Variants in UNC13D observed in about 807,000 individuals in gnomAD.
The protein encoded by UNC13D is unc-13 homolog D.
UNC13D carries 115 observed loss-of-function variants against 151.7 expected under a neutral mutation model. The ratio of observed to expected loss-of-function variants is 0.76; its 90% CI spans 0.65 to 0.88. The LOEUF is 0.88. Ranked by LOEUF, UNC13D falls within the 40% of genes least tolerant of loss-of-function variation. The pLI is 0.00. For missense variants in UNC13D, 1,369 were observed against 1,438.7 expected (o/e 0.95, Z 0.78); for synonymous variants, 588 against 612.2 (o/e 0.96, Z 0.58).
chr17:75,834,770 G>A, intron 21 of UNC13D, 54 bp from the exon 22 acceptor site: 2 of 1,608,686 alleles, frequency 1.2e-6, no homozygotes, highest in Non-Finnish European at 8.5e-7. Context: ...ATCCAGGAAG[G>A]GCAGGTGGGA....
Position 75,829,582 on chromosome 17 carries a change from C to T in UNC13D, c.2954+446G>A, listed in dbSNP as rs59438625. 4.4e-3 allele frequency: 829 copies of T among 187,414 alleles called. 7 individuals carry two copies. Among genetic ancestry groups the T allele is most frequent in the East Asian group, 0.02 (136 of 6,820 alleles). The allele number at this position is 187,414 out of a possible 1,614,324, so 11.6% of individuals were successfully genotyped here. A position where few individuals can be genotyped will look rare whatever the true frequency, so the allele number is the denominator to read the frequency against. On this transcript the variant is annotated intron_variant, in intron 30 of 31. Transcript: ENST00000207549. Reference sequence around the variant, plus strand: ...TGCTGAGATTACAGGCATGAGCCACCACGCCTGGCCCTCTTTTTTTTTTTT... The same window carrying T: ...TGCTGAGATTACAGGCATGAGCCACTACGCCTGGCCCTCTTTTTTTTTTTT...
chr17:75,844,103 G>T, intron 1 of UNC13D, 118 bp downstream of exon 1: 1 of 1,516,716 alleles, frequency 6.6e-7, no homozygotes, highest in Non-Finnish European at 9.0e-7. Context: ...GTAGGCAGGG[G>T]AGGGTCGCTG....
chr17:75,831,653 G>T (rs1004344537), intron 25 of UNC13D: 4 of 462,700 alleles, frequency 8.6e-6, no homozygotes, highest in African/African-American at 7.8e-5. Flanking sequence ...CAGGCCCCCA[G>T]TGACAACCAT....
At position 75,828,807 on chromosome 17, in the gene UNC13D, A is replaced by C; in HGVS notation, c.3131T>G (p.Leu1044Arg). The C allele has an allele frequency of 6.4e-7, 1 of 1,557,022 alleles. No individual in the cohort carries two copies. Among genetic ancestry groups the C allele is most frequent in the Non-Finnish European group, 8.7e-7 (1 of 1,152,710 alleles). ...PGEVPQTRLPLTYPAPNGDPI... is the reference protein window; with the variant it reads ...PGEVPQTRLPRTYPAPNGDPI... ...CCTACCGTTGGGTGCGGGGTACGTG[A>C]GGGGCAGGCGGGTCTGAGGCACCTC... The change falls in exon 31 of 32, where the codon CTC (leucine) becomes CGC (arginine). Residue 1044 changes from leucine (L) to arginine (R), a missense_variant. By Grantham distance (102) the Leu-to-Arg change is moderately radical (BLOSUM62 -2). Transcript: ENST00000207549.
Position 75,827,878 on chromosome 17 carries a change from C to G in UNC13D, c.*87G>C. On this transcript the variant is annotated 3_prime_UTR_variant, in exon 32 of 32. Transcript: ENST00000207549. ...CAAGTGTTAGGCCAGGCTGGAGGGC[C>G]GCGATGTGGCGGGGAAGCCCCAGAC... is the stretch of plus-strand genomic sequence containing the variant. 1.9e-6 allele frequency: 3 copies of G among 1,567,520 alleles called. No homozygotes were observed. Among genetic ancestry groups the G allele is most frequent in the Non-Finnish European group, 2.6e-6 (3 of 1,160,294 alleles).
At chr17:75,835,357 A>C (rs1378089706) in intron 20 of UNC13D, 52 bp downstream of exon 20, 8 of 1,598,246 alleles carry the variant, frequency 5.0e-6, no homozygotes, top group Non-Finnish European at 6.8e-6. Context: ...GGCAGAACCC[A>C]AGCCTCACCC....
intron 27 of UNC13D, 120 bp downstream of exon 27, chr17:75,830,978 G>C: frequency 8.2e-7 from 1 of 1,219,326 alleles, no homozygotes; most frequent in Non-Finnish European, 1.2e-6. Flanking sequence ...TTGAATAAGG[G>C]GCCCAGTTTT....
Position 75,839,910 on chromosome 17 carries a change from A to T in UNC13D, c.984T>A (p.Ser328Arg), listed in dbSNP as rs1352553189. Reference protein sequence around the residue: ...AGSTSWDGSLSPQAATVLFLH... With the variant: ...AGSTSWDGSLRPQAATVLFLH... Reference sequence around the variant, plus strand: ...GAAAGAGGACGGTGGCAGCCTGGGGACTCAGCGACCCGTCCCAGGAGGTGC... The same window carrying T: ...GAAAGAGGACGGTGGCAGCCTGGGGTCTCAGCGACCCGTCCCAGGAGGTGC... The change falls in exon 12 of 32, where the codon AGT becomes AGA. Residue 328 changes from serine to arginine, a missense_variant. Ser to Arg is a moderately radical substitution (Grantham distance 110). Transcript: ENST00000207549. The T allele has an allele frequency of 1.9e-6, 3 of 1,613,640 alleles. No individual in the cohort carries two copies. Among genetic ancestry groups the T allele is most frequent in the Non-Finnish European group, 2.5e-6 (3 of 1,179,948 alleles).
chr17:75,831,355 C>CA lies in UNC13D; in HGVS notation c.2448-8_2448-7insT, dbSNP rs1555600460. 15 of 1,609,202 alleles carry CA rather than the reference C, an allele frequency of 9.3e-6. No homozygotes were observed. The highest frequency in any genetic ancestry group is 1.7e-4 in the Middle Eastern group (1 of 6,054). On this transcript the variant is annotated splice_region_variant and splice_polypyrimidine_tract_variant and intron_variant, in intron 25 of 31. Coordinates refer to ENST00000207549, the MANE Select transcript of UNC13D (RefSeq NM_199242.3). Reference sequence around the variant, plus strand: ...CCAGAGCAGGGTCAGGAGGCTGGGGCGGGGCCGGAGGGATGCGGACACAGC... The same window carrying CA: ...CCAGAGCAGGGTCAGGAGGCTGGGGCAGGGGCCGGAGGGATGCGGACACAGC...
chr17:75,842,083 G>A (rs962924078), intron 6 of UNC13D, among the ~76,000 whole-genome samples: 1 of 152,080 alleles, frequency 6.6e-6, no homozygotes, highest in Admixed American at 6.6e-5. Context: ...GTTTTGCCAT[G>A]TTGGCCAGGC....
At chr17:75,839,553 G>A (rs945384460) in intron 12 of UNC13D, among the ~76,000 whole-genome samples, 3 of 152,020 alleles carry the variant, frequency 2.0e-5, no homozygotes, top group African/African-American at 4.8e-5. Flanking sequence ...TCTGTGATCC[G>A]GGCAGGAGTG....
Position 75,831,009 on chromosome 17 carries a change from T to C in UNC13D, c.2625+89A>G. The C allele has an allele frequency of 3.4e-6, 5 of 1,484,690 alleles. No individual in the cohort carries two copies. In the South Asian group the frequency reaches 4.6e-5, roughly 14 times the overall value. The allele number at this position is 1,484,690 out of a possible 1,614,324, so 92.0% of individuals were successfully genotyped here. The stretch of plus-strand genomic sequence containing the variant: ...GTTTTTCATTTTGTACTGGGCCCCA[T>C]AAATTATGTAGCCGACCCTGGACAT... On this transcript the variant is annotated intron_variant, in intron 27 of 31. Coordinates refer to ENST00000207549, the MANE Select transcript of UNC13D (RefSeq NM_199242.3).
rs758114198 is a variant in UNC13D, at chr17:75,843,707, C to T, written c.118-188G>A. 2.6e-5 allele frequency: 38 copies of T among 1,453,912 alleles called. No homozygotes were observed. The African/African-American group carries it at 4.1e-4, about 16-fold the overall frequency. The allele number at this position is 1,453,912 out of a possible 1,614,324, so 90.1% of individuals were successfully genotyped here. ...CCTGGAGGTCCGTCCCTGGGCCCGC[C>T]GTGGCTGAGGTCCATGGGTGCCCAG... On this transcript the variant is annotated intron_variant, in intron 1 of 31. Transcript: ENST00000207549.
rs1351570072 is a variant in UNC13D at position 75,837,571 on chromosome 17, T to A, written c.1056-653A>T. Among the ~76,000 whole-genome samples, 3 of 150,650 alleles carry A rather than the reference T, an allele frequency of 2.0e-5. No homozygotes were observed. In the East Asian group the frequency reaches 6.0e-4, roughly 30 times the overall value. On this transcript the variant is annotated intron_variant, in intron 12 of 31. Transcript: ENST00000207549. ...GAGTTTGAGACCAGCCTGGCCAACATAGTGAAACCCCATCTCTACCAAAAA... is the reference window on the plus strand; with the variant it reads ...GAGTTTGAGACCAGCCTGGCCAACAAAGTGAAACCCCATCTCTACCAAAAA...
chr17:75,840,212 G>A lies in UNC13D; in HGVS notation c.858+13C>T. 1 of 1,613,764 alleles carries A rather than the reference G, an allele frequency of 6.2e-7. No homozygotes were observed. The highest frequency in any genetic ancestry group is 8.5e-7 in the Non-Finnish European group (1 of 1,179,896). Reference sequence around the variant, plus strand: ...AGAGCTGGGCATGGCCACTGGCCCAGTACCCGACCTACCCGCTTATGGATG... The same window carrying A: ...AGAGCTGGGCATGGCCACTGGCCCAATACCCGACCTACCCGCTTATGGATG... On this transcript the variant is annotated intron_variant, in intron 10 of 31. Coordinates refer to ENST00000207549, the MANE Select transcript of UNC13D (RefSeq NM_199242.3). The surrounding 1 kb of genome is among the most constrained non-coding windows in gnomAD (Gnocchi z 4.6).
chr17:75,827,586 C>T lies in UNC13D; in HGVS notation c.*379G>A, dbSNP rs765844878. The T allele has an allele frequency of 5.2e-6, 8 of 1,533,694 alleles. 1 individual carries two copies. In the South Asian group the frequency reaches 9.5e-5, roughly 18 times the overall value. ...AGCCCTGGTCCCAGTGAACCTGGCCCCCACCCCAGTGGCTGGAACAGGAAG... is the reference window on the plus strand; with the variant it reads ...AGCCCTGGTCCCAGTGAACCTGGCCTCCACCCCAGTGGCTGGAACAGGAAG... On this transcript the variant is annotated 3_prime_UTR_variant, in exon 32 of 32. Transcript: ENST00000207549.
chr17:75,828,152 A>G (rs1008218505), intron 31 of UNC13D, 66 bp from the exon 32 acceptor site: 2 of 1,544,070 alleles, frequency 1.3e-6, no homozygotes, highest in African/African-American at 2.7e-5. Context: ...GTGGCAGAGA[A>G]GAGTGTGTGG....
intron 12 of UNC13D, 84 bp from the exon 13 acceptor site, chr17:75,837,002 G>T: frequency 8.5e-7 from 1 of 1,174,674 alleles, no homozygotes; most frequent in Non-Finnish European, 1.2e-6. Context: ...GGGGGGAATC[G>T]CCTCCCATCC....
chr17:75,830,014 C>A lies in UNC13D; in HGVS notation c.2954+14G>T. The A allele has an allele frequency of 6.4e-7, 1 of 1,572,926 alleles. No homozygotes were observed. Among genetic ancestry groups the A allele is most frequent in the East Asian group, 2.3e-5 (1 of 43,348 alleles). On this transcript the variant is annotated intron_variant, in intron 30 of 31. Transcript: ENST00000207549. ...ATGAGGGGAGGGACTGGGAGAAGAA[C>A]GGGACCCACTCACAATTCAAAGGTC...
Sources: allele counts gnomAD v4.1 joint callset (sites outside exome capture counted in the v4.1 genomes callset), GRCh38; gene constraint gnomAD v4.1.1; non-coding constraint Gnocchi (gnomAD v3.1); transcripts MANE v1.5; gene names NCBI Gene and HGNC (gene_info 2026-07-23, HGNC 2026-07-21).